The following MCC variants were observed in gnomAD, a reference collection of about 807,000 sequenced individuals.
The protein encoded by MCC is MCC regulator of Wnt signaling pathway.
A neutral mutation model predicts 116.2 loss-of-function variants in MCC; 90 were observed. The observed-to-expected ratio is 0.77, with a 90% CI of 0.65 to 0.92. MCC has a LOEUF of 0.92. Among genes scored for constraint, MCC ranks in the 40% least tolerant of loss-of-function variants. The pLI, the probability that MCC is intolerant of heterozygous loss-of-function variation, is 0.00. For synonymous variants in MCC, 578 were observed against 510.5 expected, an observed-to-expected ratio of 1.13 and a Z score of -1.78; for missense variants, 1,516 against 1,312.2, an observed-to-expected ratio of 1.16 and a Z score of -2.40.
At chr5:113,384,842 G>T in intron 2 of MCC, 126 bp downstream of exon 2, 2 of 1,077,348 alleles carry the variant, frequency 1.9e-6, no homozygotes, top group Non-Finnish European at 2.7e-6. Flanking sequence ...GGAAAGTGTG[G>T]CCAGGAGGGC....
At chr5:113,074,776 G>A (rs970670198) in intron 11 of MCC, among the ~76,000 whole-genome samples, 1 of 152,242 alleles carries the variant, frequency 6.6e-6, no homozygotes, top group Non-Finnish European at 1.5e-5. Flanking sequence ...TCAAGTGGAA[G>A]AAAGCGTATC....
Position 113,146,791 on chromosome 5 carries a change from T to C in MCC, c.742-3431A>G, listed in dbSNP as rs1389311238. 2.6e-5 allele frequency among the ~76,000 whole-genome samples: 4 copies of C among 152,084 alleles called. No homozygotes were observed. The South Asian group carries it at 6.2e-4, about 24-fold the overall frequency. On this transcript the variant is annotated intron_variant, in intron 4 of 18. Transcript: ENST00000408903. The stretch of plus-strand genomic sequence containing the variant: ...CAATTTCAGCTGAACAAAATAAAAA[T>C]TGGTCTCAAATAATATGCTACTGCT...
intron 1 of MCC, among the ~76,000 whole-genome samples, chr5:113,438,523 A>G (rs1453806140): frequency 3.3e-5 from 5 of 152,212 alleles, no homozygotes; most frequent in Admixed American, 6.5e-5. Context: ...TATGCACTTT[A>G]AAGTGATTGT....
At chr5:113,400,104 C>G (rs2150398303) in intron 1 of MCC, 1 of 128,160 alleles carries the variant, frequency 7.8e-6, no homozygotes, top group Admixed American at 7.5e-5. Flanking sequence ...TTGGCCCTCT[C>G]CTTTTTTACT....
intron 2 of MCC, among the ~76,000 whole-genome samples, chr5:113,347,716 G>C (rs1025391274): frequency 6.6e-6 from 1 of 151,992 alleles, no homozygotes; most frequent in Non-Finnish European, 1.5e-5. Flanking sequence ...GCAAGAGTAA[G>C]TCCTTACTTA....
At chr5:113,110,686 C>G (rs1390662744) in intron 6 of MCC, among the ~76,000 whole-genome samples, 1 of 152,146 alleles carries the variant, frequency 6.6e-6, no homozygotes, top group Non-Finnish European at 1.5e-5. Flanking sequence ...CTGAACAGGA[C>G]CCAGAAGACT....
chr5:113,117,808 G>A (rs1757480195), intron 6 of MCC, among the ~76,000 whole-genome samples: 1 of 152,202 alleles, frequency 6.6e-6, no homozygotes, highest in African/African-American at 2.4e-5. Flanking sequence ...GAATCATTGG[G>A]TCCAAGAGTG....
rs148628081 is a variant in MCC, at chr5:113,416,969, CT to C, written c.171-31758del. ...TGCTGTTTCTTACCATGTGAATTGC[CT>C]TTTTTTTTTTTTTTTTTTGAGACGG... On this transcript the variant is annotated intron_variant, in intron 1 of 18. Coordinates refer to ENST00000408903, the MANE Select transcript of MCC (RefSeq NM_001085377.2). Among the ~76,000 whole-genome samples the C allele has an allele frequency of 3.2e-3, 389 of 122,512 alleles. 5 individuals are homozygous for C. The East Asian group carries it at 0.048, about 15-fold the overall frequency. The allele number at this position is 122,512 out of a possible 152,430, so 80.4% of individuals were successfully genotyped here. A position where few individuals can be genotyped will look rare whatever the true frequency, so the allele number is the denominator to read the frequency against.
chr5:113,158,562 T>C (rs1290587722), intron 3 of MCC, among the ~76,000 whole-genome samples: 1 of 152,198 alleles, frequency 6.6e-6, no homozygotes, highest in Non-Finnish European at 1.5e-5. Flanking sequence ...TAGTTACCGT[T>C]TGCTGAATAT....
chr5:113,026,283 T>C lies in MCC; in HGVS notation c.*1019A>G, dbSNP rs1216813654. 6.6e-6 allele frequency: 1 copy of C among 152,220 alleles called. No homozygotes were observed. Among genetic ancestry groups the C allele is most frequent in the African/African-American group, 2.4e-5 (1 of 41,444 alleles). 9.4% of individuals were successfully genotyped at this position (152,220 alleles called of 1,614,324 possible). ...TCTTGAACTGGGGGTTACACAGCAC[T>C]CTTAAGTAGGCGTGATAAGTTTTGC... On this transcript the variant is annotated 3_prime_UTR_variant, in exon 19 of 19. Coordinates refer to ENST00000408903, the MANE Select transcript of MCC (RefSeq NM_001085377.2).
chr5:113,029,175 G>T (rs1381277576), intron 17 of MCC, 119 bp from the exon 18 acceptor site: 9 of 955,518 alleles, frequency 9.4e-6, no homozygotes, highest in Non-Finnish European at 1.3e-5. Flanking sequence ...AAAGGCAAGG[G>T]AGAGAAAAGA....
At position 113,120,322 on chromosome 5, in the gene MCC, G is replaced by C. The variant is rs1381981219; in HGVS notation, c.1027+2362C>G. 3.3e-5 allele frequency among the ~76,000 whole-genome samples: 5 copies of C among 152,264 alleles called. No homozygotes were observed. The East Asian group carries it at 9.7e-4, about 29-fold the overall frequency. On this transcript the variant is annotated intron_variant, in intron 6 of 18. Coordinates refer to ENST00000408903, the MANE Select transcript of MCC (RefSeq NM_001085377.2). The stretch of plus-strand genomic sequence containing the variant: ...GTGTGTATTGTAACATAAAGCCCGG[G>C]GACTGGGTTCAGTTTAGTTGGGGGA...
chr5:113,178,863 T>C (rs1317275921), intron 3 of MCC, among the ~76,000 whole-genome samples: 1 of 152,220 alleles, frequency 6.6e-6, no homozygotes, highest in African/African-American at 2.4e-5. Context: ...CACAGAGCTG[T>C]GGTCTCTTGT....
At chr5:113,329,046 CACTT>C (rs1767633194) in intron 3 of MCC, among the ~76,000 whole-genome samples, 1 of 152,194 alleles carries the variant, frequency 6.6e-6, no homozygotes, top group Non-Finnish European at 1.5e-5. Flanking sequence ...GCTACATGCT[CACTT>C]TTTCATGCCA....
At chr5:113,064,277 G>A (rs972038990) in intron 13 of MCC, 110 bp from the exon 14 acceptor site, 2 of 1,015,842 alleles carry the variant, frequency 2.0e-6, no homozygotes, top group African/African-American at 1.6e-5. Flanking sequence ...TGGCACTGTG[G>A]AAGGGAATTG....
chr5:113,433,400 T>C (rs895097010), intron 1 of MCC: 2 of 545,822 alleles, frequency 3.7e-6, no homozygotes, highest in African/African-American at 3.8e-5. Context: ...CAGCGGTGCC[T>C]TCCTGCTGCT....
intron 1 of MCC, among the ~76,000 whole-genome samples, chr5:113,417,200 C>T (rs746506777): frequency 3.9e-5 from 6 of 152,118 alleles, no homozygotes; most frequent in Non-Finnish European, 8.8e-5. Flanking sequence ...AATCTCCTGA[C>T]CTCATGATCC....
intron 11 of MCC, 86 bp downstream of exon 11, chr5:113,082,774 C>T: frequency 1.3e-6 from 2 of 1,512,508 alleles, no homozygotes; most frequent in Non-Finnish European, 1.8e-6. Flanking sequence ...AATACATAAG[C>T]CACCTTGAAC....
At chr5:113,370,890 C>T (rs1029957652) in intron 2 of MCC, among the ~76,000 whole-genome samples, 4 of 151,962 alleles carry the variant, frequency 2.6e-5, no homozygotes, top group East Asian at 1.9e-4. Flanking sequence ...CACAAGAAAA[C>T]GGGAGAAATA....
Sources: gnomAD v4.1 joint callset for allele counts (sites outside exome capture counted in the v4.1 genomes callset) on GRCh38, gnomAD v4.1.1 for gene constraint, MANE v1.5 for transcripts, NCBI Gene and HGNC (gene_info 2026-07-23, HGNC 2026-07-21) for gene names.